The following MSR1 variants were observed in gnomAD, a reference collection of about 807,000 sequenced individuals.
The protein encoded by MSR1 is macrophage scavenger receptor types I and II.
MSR1 carries 53 observed loss-of-function variants against 47.2 expected under a neutral mutation model. The ratio of observed to expected loss-of-function variants is 1.12; its 90% CI spans 0.90 to 1.41. The LOEUF (loss-of-function observed/expected upper bound fraction) is 1.41, where lower values mean the gene tolerates loss of function less well. MSR1 is among the 40% of genes most tolerant of loss of function. The probability of loss-of-function intolerance (pLI) is 0.00; values close to 1 mark genes in which losing one functional copy is unlikely to be tolerated. For missense variants in MSR1, 786 were observed against 546.9 expected, an observed-to-expected ratio of 1.44 and a Z score of -4.36; for synonymous variants, 239 against 185.6, an observed-to-expected ratio of 1.29 and a Z score of -2.34.
chr8:16,163,267 G>C (rs1203698220), intron 5 of MSR1, among the ~76,000 whole-genome samples: 3 of 151,672 alleles, frequency 2.0e-5, no homozygotes, highest in Non-Finnish European at 4.4e-5. Flanking sequence ...ATAAGATAGT[G>C]GAAATAAATA....
intron 1 of MSR1, among the ~76,000 whole-genome samples, chr8:16,183,635 A>T (rs1293425928): frequency 7.0e-6 from 1 of 142,546 alleles, no homozygotes; most frequent in Non-Finnish European, 1.5e-5. Context: ...TATAATATAT[A>T]ATATAATAAA....
At chr8:16,176,389 C>A (rs937130186) in intron 2 of MSR1, among the ~76,000 whole-genome samples, 2 of 151,754 alleles carry the variant, frequency 1.3e-5, no homozygotes, top group African/African-American at 4.8e-5. Flanking sequence ...TCCCTGTAAC[C>A]CAAGATACTT....
At chr8:16,125,770 A>T (rs1449359617) in intron 8 of MSR1, among the ~76,000 whole-genome samples, 1 of 152,042 alleles carries the variant, frequency 6.6e-6, no homozygotes, top group Non-Finnish European at 1.5e-5. Flanking sequence ...AAAAATTTTT[A>T]AAAGTTTTTC....
At chr8:16,110,514 G>A (rs867309074) in intron 9 of MSR1, among the ~76,000 whole-genome samples, 3 of 152,004 alleles carry the variant, frequency 2.0e-5, no homozygotes, top group Non-Finnish European at 4.4e-5. Context: ...TGACAAATTA[G>A]TTTTATTATT....
intron 6 of MSR1, among the ~76,000 whole-genome samples, chr8:16,152,992 G>T (rs1470859042): frequency 6.6e-6 from 1 of 151,988 alleles, no homozygotes. Context: ...ATTATTTGGG[G>T]AATAAAGCAT....
chr8:16,188,136 T>G (rs1316000507), intron 1 of MSR1, among the ~76,000 whole-genome samples: 1 of 152,176 alleles, frequency 6.6e-6, no homozygotes, highest in Non-Finnish European at 1.5e-5. Context: ...AAGCACGTGC[T>G]CATGAGAAGT....
At chr8:16,144,706 C>G (rs537364256) in intron 7 of MSR1, among the ~76,000 whole-genome samples, 2 of 152,098 alleles carry the variant, frequency 1.3e-5, no homozygotes, top group Non-Finnish European at 2.9e-5. Flanking sequence ...TGTAGAGTTG[C>G]CTGTTCATTA....
At chr8:16,154,375 C>A (rs1182797332) in intron 6 of MSR1, among the ~76,000 whole-genome samples, 2 of 151,742 alleles carry the variant, frequency 1.3e-5, no homozygotes, top group East Asian at 3.9e-4. Context: ...TTTTTTCAAG[C>A]AAAGAAAGTT....
chr8:16,154,933 C>G, intron 6 of MSR1, 131 bp downstream of exon 6: 1 of 724,160 alleles, frequency 1.4e-6, no homozygotes, highest in Non-Finnish European at 2.4e-6. Flanking sequence ...CATGTGCGTG[C>G]ATACACACAC....
intron 5 of MSR1, among the ~76,000 whole-genome samples, chr8:16,159,634 C>T (rs186332090): frequency 1.1e-3 from 160 of 151,960 alleles, no homozygotes; most frequent in African/African-American, 3.7e-3. Context: ...TATTTTATGG[C>T]TAGGTGCTAT....
chr8:16,110,517 T>G (rs1419292253), intron 9 of MSR1, among the ~76,000 whole-genome samples: 4 of 152,140 alleles, frequency 2.6e-5, no homozygotes, highest in African/African-American at 9.6e-5. Context: ...CAAATTAGTT[T>G]TATTATTAAT....
chr8:16,154,114 T>C (rs1479952409), intron 6 of MSR1, among the ~76,000 whole-genome samples: 1 of 151,884 alleles, frequency 6.6e-6, no homozygotes, highest in Non-Finnish European at 1.5e-5. Context: ...ATCAAGTTCA[T>C]GCTTCTCATT....
intron 8 of MSR1, among the ~76,000 whole-genome samples, chr8:16,121,417 T>C (rs1374538952): frequency 1.3e-5 from 2 of 152,020 alleles, no homozygotes; most frequent in Non-Finnish European, 2.9e-5. Flanking sequence ...AAATATGAAA[T>C]GGCTCTTTTC....
intron 3 of MSR1, among the ~76,000 whole-genome samples, chr8:16,171,616 G>T (rs1801490460): frequency 6.6e-6 from 1 of 152,126 alleles, no homozygotes; most frequent in East Asian, 1.9e-4. Flanking sequence ...TATGTGGAAA[G>T]TATTGCTTGA....
chr8:16,150,994 A>G (rs1323458000), intron 6 of MSR1, among the ~76,000 whole-genome samples: 1 of 152,036 alleles, frequency 6.6e-6, no homozygotes, highest in Non-Finnish European at 1.5e-5. Context: ...ACCCAATATT[A>G]CTATGGTGAT....
chr8:16,139,452 A>G (rs899605663), intron 8 of MSR1: 1 of 977,888 alleles, frequency 1.0e-6, no homozygotes, highest in African/African-American at 1.7e-5. Context: ...ATGCTGAGAT[A>G]CACAGAGGCA....
At chr8:16,173,140 G>A (rs768966750) in intron 3 of MSR1, among the ~76,000 whole-genome samples, 3 of 152,104 alleles carry the variant, frequency 2.0e-5, no homozygotes, top group Admixed American at 6.5e-5. Context: ...AATTTTAGTC[G>A]GTACCTACTG....
chr8:16,189,288 C>A (rs1261663614), intron 1 of MSR1, among the ~76,000 whole-genome samples: 1 of 131,326 alleles, frequency 7.6e-6, no homozygotes, highest in Non-Finnish European at 1.6e-5. Flanking sequence ...TATATAAAAT[C>A]TTATTTACAT....
At chr8:16,131,889 T>C (rs1339072231) in intron 8 of MSR1, among the ~76,000 whole-genome samples, 2 of 152,130 alleles carry the variant, frequency 1.3e-5, no homozygotes, top group African/African-American at 4.8e-5. Flanking sequence ...TGTACCCCTG[T>C]AGTATAGTTT....
Sources: allele counts gnomAD v4.1 joint callset (sites outside exome capture counted in the v4.1 genomes callset), GRCh38; gene constraint gnomAD v4.1.1; transcripts MANE v1.5; gene names NCBI Gene and HGNC (gene_info 2026-07-23, HGNC 2026-07-21).